Variants in ZNF649 observed in about 807,000 individuals in gnomAD.
The protein encoded by ZNF649 is zinc finger protein 649.
In ZNF649, 7 loss-of-function variants were observed where a neutral mutation model predicts 14.1. That is an observed-to-expected ratio of 0.49 (90% CI 0.28 to 0.93). ZNF649 has a LOEUF of 0.93. Ranked by LOEUF, ZNF649 falls within the 40% of genes least tolerant of loss-of-function variation. The pLI is 0.10. For missense variants in ZNF649, 544 were observed against 608.1 expected, an observed-to-expected ratio of 0.89 and a Z score of 1.11; for synonymous variants, 227 against 212.3, an observed-to-expected ratio of 1.07 and a Z score of -0.60.
At chr19:51,892,497 T>C (rs867067886) in intron 4 of ZNF649, among the ~76,000 whole-genome samples, 3 of 151,974 alleles carry the variant, frequency 2.0e-5, no homozygotes, top group African/African-American at 2.4e-5. Flanking sequence ...TGGGCTACAA[T>C]AGGGAGACTG....
At chr19:51,893,746 C>T (rs2085039649) in intron 4 of ZNF649, among the ~76,000 whole-genome samples, 1 of 152,164 alleles carries the variant, frequency 6.6e-6, no homozygotes, top group African/African-American at 2.4e-5. Flanking sequence ...AATTCCTCAC[C>T]TTGCCACTAA....
At position 51,891,066 on chromosome 19, in the gene ZNF649, T is replaced by C; in HGVS notation, c.1070A>G (p.Gln357Arg). ...GCIDCGKAFS[Q>R]KSCLVAHQRY... ...CTGATGTGCTACAAGGCAAGACTTC[T>C]GGCTGAAGGCCTTGCCACAGTCAAT... The change falls in exon 5 of 5, where the codon CAG becomes CGG. Residue 357 changes from glutamine to arginine, a missense_variant. Coordinates refer to ENST00000354957, the MANE Select transcript of ZNF649 (RefSeq NM_023074.4). This position sits in a 1 kb window ranked among gnomAD's most constrained non-coding sequence, Gnocchi z 4.2. 1 of 1,614,246 alleles carries C rather than the reference T, an allele frequency of 6.2e-7. No individual in the cohort carries two copies. The highest frequency in any genetic ancestry group is 1.1e-5 in the South Asian group (1 of 91,088).
intron 4 of ZNF649, chr19:51,896,094 G>T: frequency 4.9e-6 from 1 of 202,434 alleles, no homozygotes; most frequent in Non-Finnish European, 1.0e-5. Context: ...TATATATCCA[G>T]TGGCATAAAT....
chr19:51,891,293 T>C lies in ZNF649; in HGVS notation c.843A>G (p.Gln281=). 1 of 1,614,040 alleles carries C rather than the reference T, an allele frequency of 6.2e-7. No individual in the cohort carries two copies. Among genetic ancestry groups the C allele is most frequent in the Non-Finnish European group, 8.5e-7 (1 of 1,180,004 alleles). The change falls in exon 5 of 5, where the codon CAA becomes CAG. Residue 281 remains glutamine (Q), a synonymous_variant. Transcript: ENST00000354957. The surrounding 1 kb of genome is among the most constrained non-coding windows in gnomAD (Gnocchi z 4.2). ...FPRKSELTEH[Q]RIHTGIKPHQ... ...GGGGCTTAATTCCCGTGTGAATCCT[T>C]TGATGTTCAGTAAGCTCAGATTTCC...
At chr19:51,895,895 T>C (rs551944795) in intron 4 of ZNF649, among the ~76,000 whole-genome samples, 1 of 152,278 alleles carries the variant, frequency 6.6e-6, no homozygotes, top group African/African-American at 2.4e-5. Flanking sequence ...TACAGCTGGT[T>C]GGTCAGAAGC....
At position 51,890,062 on chromosome 19, in the gene ZNF649, G is replaced by A. The variant is rs2085008009; in HGVS notation, c.*556C>T. 6.6e-6 allele frequency: 1 copy of A among 152,012 alleles called. No homozygotes were observed. Among genetic ancestry groups the A allele is most frequent in the African/African-American group, 2.4e-5 (1 of 41,338 alleles). 9.4% of individuals were successfully genotyped at this position (152,012 alleles called of 1,614,324 possible). A position where few individuals can be genotyped will look rare whatever the true frequency, so the allele number is the denominator to read the frequency against. On this transcript the variant is annotated 3_prime_UTR_variant, in exon 5 of 5. Coordinates refer to ENST00000354957, the MANE Select transcript of ZNF649 (RefSeq NM_023074.4). ...AATAAAGATATGAAAGATATAACAG[G>A]GAAAAACCCATGTCAAATTATTAGA...
At chr19:51,904,262 G>A (rs1020634983) in intron 1 of ZNF649, 1 of 152,076 alleles carries the variant, frequency 6.6e-6, no homozygotes, top group Non-Finnish European at 1.5e-5. Flanking sequence ...ATTTAATTCG[G>A]CTTCAATTTT....
chr19:51,899,952 A>G, intron 2 of ZNF649, 141 bp downstream of exon 2: 1 of 608,246 alleles, frequency 1.6e-6, no homozygotes. Flanking sequence ...TTTGTCCTGG[A>G]TTAAAGGTAC....
chr19:51,890,891 T>C lies in ZNF649; in HGVS notation c.1245A>G (p.Thr415=). 1 of 1,614,186 alleles carries C rather than the reference T, an allele frequency of 6.2e-7. No individual in the cohort carries two copies. The highest frequency in any genetic ancestry group is 8.5e-7 in the Non-Finnish European group (1 of 1,180,026). Residue 415 remains threonine, a synonymous_variant, in exon 5 of 5, where the codon ACA becomes ACG. Transcript: ENST00000354957. The stretch of plus-strand genomic sequence containing the variant: ...GAGTTCTGTGATGTACAATGAGCAT[T>C]GTCTTTGTAAGGAAGGCTTTCCCAC... The part of the protein sequence containing the change: ...SDCGKAFLTK[T]MLIVHHRTHT...
chr19:51,899,356 C>T (rs1309526094), intron 2 of ZNF649, among the ~76,000 whole-genome samples: 1 of 152,166 alleles, frequency 6.6e-6, no homozygotes, highest in Non-Finnish European at 1.5e-5. Flanking sequence ...ATCTCAACAA[C>T]CCAAGCCATT....
At chr19:51,895,702 AC>A (rs1418690456) in intron 4 of ZNF649, among the ~76,000 whole-genome samples, 2 of 151,652 alleles carry the variant, frequency 1.3e-5, no homozygotes, top group East Asian at 3.9e-4. Flanking sequence ...TGCTTATGGC[AC>A]TCTTTCTCCC....
chr19:51,897,092 T>A (rs186870845), intron 2 of ZNF649, 114 bp from the exon 3 acceptor site: 176 of 1,434,760 alleles, frequency 1.2e-4, no homozygotes, highest in Non-Finnish European at 2.2e-5. Context: ...TGTCCCTTGG[T>A]ATACTCAATG....
intron 2 of ZNF649, 89 bp from the exon 3 acceptor site, chr19:51,897,067 C>A: frequency 6.4e-7 from 1 of 1,558,466 alleles, no homozygotes; most frequent in Admixed American, 1.7e-5. Flanking sequence ...ACCACATAAG[C>A]TGCACCTGCA....
At chr19:51,900,422 C>T (rs1007645035) in intron 1 of ZNF649, 128 bp from the exon 2 acceptor site, 1 of 291,038 alleles carries the variant, frequency 3.4e-6, no homozygotes, top group African/African-American at 2.2e-5. Flanking sequence ...GTCAGGTGTC[C>T]CCAAGTCTTT....
intron 4 of ZNF649, 24 bp downstream of exon 4, chr19:51,896,448 T>A (rs1599887559): frequency 6.2e-7 from 1 of 1,606,548 alleles, no homozygotes; most frequent in East Asian, 2.2e-5. Flanking sequence ...TGCCTTCCCC[T>A]CTTGCTGGTT....
chr19:51,893,870 T>C (rs943013836), intron 4 of ZNF649, among the ~76,000 whole-genome samples: 9 of 152,262 alleles, frequency 5.9e-5, no homozygotes, highest in African/African-American at 2.2e-4. Context: ...TTACTTTTAG[T>C]TTTTCTTAGA....
chr19:51,891,863 G>C lies in ZNF649; in HGVS notation c.273C>G (p.Pro91=), dbSNP rs962233348. ...IEKADDHLQQ[P]LQNQKILKRT... ...TCTTCAGTATTTTTTGGTTTTGCAA[G>C]GGCTGCTGCAGATGATCATCAGCTT... The change falls in exon 5 of 5, where the codon CCC becomes CCG. Residue 91 remains proline (P), a synonymous_variant. Coordinates refer to ENST00000354957, the MANE Select transcript of ZNF649 (RefSeq NM_023074.4). The surrounding 1 kb of genome is among the most constrained non-coding windows in gnomAD (Gnocchi z 4.2). 1 of 1,577,098 alleles carries C rather than the reference G, an allele frequency of 6.3e-7. No homozygotes were observed. Among genetic ancestry groups the C allele is most frequent in the Non-Finnish European group, 8.6e-7 (1 of 1,168,552 alleles).
At chr19:51,892,012 G>T in intron 4 of ZNF649, 115 bp from the exon 5 acceptor site, 1 of 1,171,072 alleles carries the variant, frequency 8.5e-7, no homozygotes, top group Non-Finnish European at 1.2e-6. Context: ...CAACATGGAA[G>T]GAATTCCAAG....
At position 51,889,238 on chromosome 19, in the gene ZNF649, TG is replaced by T. The variant is rs1407199084; in HGVS notation, c.*1379del. On this transcript the variant is annotated 3_prime_UTR_variant, in exon 5 of 5. Transcript: ENST00000354957. ...GTCACAGGAAATAGAGATATACTAC[TG>T]TAAGATTATTTTATTATACAGTAAG... 1.3e-5 allele frequency: 2 copies of T among 152,216 alleles called. No homozygotes were observed. The highest frequency in any genetic ancestry group is 2.4e-5 in the African/African-American group (1 of 41,462). The allele number at this position is 152,216 out of a possible 1,614,324, so 9.4% of individuals were successfully genotyped here.
Sources: gnomAD v4.1 joint callset for allele counts (sites outside exome capture counted in the v4.1 genomes callset) on GRCh38, gnomAD v4.1.1 for gene constraint, Gnocchi (gnomAD v3.1) non-coding constraint, MANE v1.5 for transcripts, NCBI Gene and HGNC (gene_info 2026-07-23, HGNC 2026-07-21) for gene names.